RGS16: variants seen among roughly 807,000 people sequenced by gnomAD.
The protein encoded by RGS16 is hRGS-r.
A neutral mutation model predicts 18.1 loss-of-function variants in RGS16; 12 were observed. The ratio of observed to expected loss-of-function variants is 0.66; its 90% CI spans 0.42 to 1.07. The LOEUF (loss-of-function observed/expected upper bound fraction) is 1.07, where lower values mean the gene tolerates loss of function less well. Among genes scored for constraint, RGS16 ranks in the 50% least tolerant of loss-of-function variants. The pLI, the probability that RGS16 is intolerant of heterozygous loss-of-function variation, is 0.00. For missense variants in RGS16, 238 were observed against 249.2 expected, an observed-to-expected ratio of 0.95 and a Z score of 0.30; for synonymous variants, 88 against 102.0, an observed-to-expected ratio of 0.86 and a Z score of 0.83.
intron 3 of RGS16, 141 bp downstream of exon 3, chr1:182,602,279 G>A (rs1661878664): frequency 9.2e-7 from 1 of 1,088,390 alleles, no homozygotes; most frequent in Non-Finnish European, 1.4e-6. Context: ...TTGAATAGAG[G>A]CTGGCACACT....
intron 4 of RGS16, 142 bp downstream of exon 4, chr1:182,601,824 G>A (rs1661867091): frequency 1.0e-6 from 1 of 1,000,382 alleles, no homozygotes; most frequent in Non-Finnish European, 1.5e-6. Context: ...CTAGTCTCTG[G>A]TCACAGAAGC....
rs1661882250 is a variant in RGS16, at chr1:182,602,454, C to T, written c.186G>A (p.Trp62Ter). Residue 62 changes from tryptophan to a stop codon, truncating the protein, a stop_gained, in exon 3 of 5, where the codon TGG becomes TGA. Transcript: ENST00000367558. LOFTEE classifies it high-confidence loss of function. ...NRNFSEDVLG[W>*]RESFDLLLSS... is the part of the protein sequence containing the mutation. The stretch of plus-strand genomic sequence containing the variant: ...TCAGCAGCAGGTCGAACGACTCTCT[C>T]CACCCCAGCACATCTTCTGAGAAGT... 6.2e-7 allele frequency: 1 copy of T among 1,613,802 alleles called. No individual in the cohort carries two copies. The highest frequency in any genetic ancestry group is 1.3e-5 in the African/African-American group (1 of 74,922).
chr1:182,602,636 G>A, intron 2 of RGS16, 152 bp from the exon 3 acceptor site: 1 of 685,606 alleles, frequency 1.5e-6, no homozygotes, highest in Non-Finnish European at 2.5e-6. Context: ...CAAACTCTTA[G>A]TTGGACTTAG....
Position 182,600,097 on chromosome 1 carries a change from A to G in RGS16, c.*195T>C, listed in dbSNP as rs571948048. On this transcript the variant is annotated 3_prime_UTR_variant, in exon 5 of 5. Coordinates refer to ENST00000367558, the MANE Select transcript of RGS16 (RefSeq NM_002928.4). ...TGGAAGTGGGCGGCTCCTCTCCAGC[A>G]TGAGTCCCACAGTATCTGAAGGAGA... is the stretch of plus-strand genomic sequence containing the variant. 5.2e-5 allele frequency: 31 copies of G among 594,102 alleles called. No individual in the cohort carries two copies. In the East Asian group the frequency reaches 7.6e-4, roughly 15 times the overall value. 36.8% of individuals were successfully genotyped at this position (594,102 alleles called of 1,614,324 possible).
Position 182,600,156 on chromosome 1 carries a change from ATTTTTTTTTTTTT to A in RGS16, c.*123_*135del, listed in dbSNP as rs970909010. On this transcript the variant is annotated 3_prime_UTR_variant, in exon 5 of 5. Coordinates refer to ENST00000367558, the MANE Select transcript of RGS16 (RefSeq NM_002928.4). Reference sequence around the variant, plus strand: ...CTTCCCAAACAGGCTGCTGGAGCGCATTTTTTTTTTTTTTTTTTTTTTTTTTGTCCTCTTGCAC... The same window carrying A: ...CTTCCCAAACAGGCTGCTGGAGCGCATTTTTTTTTTTTTGTCCTCTTGCAC... The A allele has an allele frequency of 2.4e-5, 8 of 330,014 alleles. No homozygotes were observed. Among genetic ancestry groups the A allele is most frequent in the East Asian group, 6.7e-5 (1 of 14,970 alleles). The allele number at this position is 330,014 out of a possible 1,614,324, so 20.4% of individuals were successfully genotyped here. A position where few individuals can be genotyped will look rare whatever the true frequency, so the allele number is the denominator to read the frequency against.
chr1:182,602,456 A>C lies in RGS16; in HGVS notation c.184T>G (p.Trp62Gly), dbSNP rs191231364. 6.2e-5 allele frequency: 100 copies of C among 1,613,730 alleles called. No homozygotes were observed. In the East Asian group the frequency reaches 2.1e-3, roughly 34 times the overall value. Residue 62 changes from tryptophan (W) to glycine (G), a missense_variant, in exon 3 of 5, where the codon TGG becomes GGG. Coordinates refer to ENST00000367558, the MANE Select transcript of RGS16 (RefSeq NM_002928.4). ...NRNFSEDVLG[W>G]RESFDLLLSS... ...AGCAGCAGGTCGAACGACTCTCTCC[A>C]CCCCAGCACATCTTCTGAGAAGTTT...
intron 4 of RGS16, 79 bp from the exon 5 acceptor site, chr1:182,600,592 G>T: frequency 8.6e-7 from 1 of 1,160,690 alleles, no homozygotes; most frequent in Non-Finnish European, 1.3e-6. Flanking sequence ...GGCAGGCTGG[G>T]CATTGGAAAG....
chr1:182,600,195 T>A lies in RGS16; in HGVS notation c.*97A>T. On this transcript the variant is annotated 3_prime_UTR_variant, in exon 5 of 5. Transcript: ENST00000367558. ...TTTTTTTTTTTTTGTCCTCTTGCAC[T>A]TGCTTTGCAGAACCTGCCTCCCACA... The A allele has an allele frequency of 1.5e-6, 1 of 680,816 alleles. No individual in the cohort carries two copies. Among genetic ancestry groups the A allele is most frequent in the Non-Finnish European group, 2.5e-6 (1 of 401,842 alleles). 42.2% of individuals were successfully genotyped at this position (680,816 alleles called of 1,614,324 possible).
rs781289348 is a variant in RGS16, at chr1:182,600,334, G to A, written c.567C>T (p.Ala189=). ...CGTCCAGGCTGCAGCTGGACAGAGTGGCAGAGGCGGCTGAGGCTTGGGCAG... is the reference window on the plus strand; with the variant it reads ...CGTCCAGGCTGCAGCTGGACAGAGTAGCAGAGGCGGCTGAGGCTTGGGCAG... ...DLAAQASAAS[A]TLSSCSLDEP... Residue 189 remains alanine (A), a synonymous_variant, in exon 5 of 5, where the codon GCC becomes GCT. Transcript: ENST00000367558. 2 of 1,613,792 alleles carry A rather than the reference G, an allele frequency of 1.2e-6. No homozygotes were observed. Among genetic ancestry groups the A allele is most frequent in the African/African-American group, 2.7e-5 (2 of 74,858 alleles).
Position 182,604,213 on chromosome 1 carries a change from T to TAGGG in RGS16, c.44+2_44+3insCCCT. On this transcript the variant is annotated splice_region_variant and intron_variant, in intron 1 of 4. Coordinates refer to ENST00000367558, the MANE Select transcript of RGS16 (RefSeq NM_002928.4). ...CCCAAGCAGTTGGACAACCTCCCCTTACCTCTCCAGGCAGGTGGTGGGGAA... is the reference window on the plus strand; with the variant it reads ...CCCAAGCAGTTGGACAACCTCCCCTTAGGGACCTCTCCAGGCAGGTGGTGGGGAA... 6.4e-7 allele frequency: 1 copy of TAGGG among 1,551,712 alleles called. No individual in the cohort carries two copies. Among genetic ancestry groups the TAGGG allele is most frequent in the Non-Finnish European group, 8.7e-7 (1 of 1,146,940 alleles).
At position 182,600,233 on chromosome 1, in the gene RGS16, C is replaced by A. The variant is rs967905649; in HGVS notation, c.*59G>T. On this transcript the variant is annotated 3_prime_UTR_variant, in exon 5 of 5. Transcript: ENST00000367558. The stretch of plus-strand genomic sequence containing the variant: ...CCTGCCTCCCACACAGGGGCAGCCA[C>A]CTCGGGGATGGGTGACTCAACCTCT... The A allele has an allele frequency of 6.8e-7, 1 of 1,469,716 alleles. No homozygotes were observed. Among genetic ancestry groups the A allele is most frequent in the African/African-American group, 1.4e-5 (1 of 71,014 alleles). The allele number at this position is 1,469,716 out of a possible 1,614,324, so 91.0% of individuals were successfully genotyped here. A position where few individuals can be genotyped will look rare whatever the true frequency, so the allele number is the denominator to read the frequency against.
chr1:182,601,157 A>C (rs569581347), intron 4 of RGS16, among the ~76,000 whole-genome samples: 1 of 152,228 alleles, frequency 6.6e-6, no homozygotes, highest in African/African-American at 2.4e-5. Context: ...ATTCTTTCTT[A>C]TCTCTGTTCA....
At chr1:182,602,969 A>C (rs1005239279) in intron 2 of RGS16, among the ~76,000 whole-genome samples, 1 of 152,186 alleles carries the variant, frequency 6.6e-6, no homozygotes, top group Non-Finnish European at 1.5e-5. Context: ...ATGAATCCCG[A>C]GGTGGGAGAG....
chr1:182,602,993 C>T lies in RGS16; in HGVS notation c.155+236G>A, dbSNP rs1277753173. On this transcript the variant is annotated intron_variant, in intron 2 of 4. Transcript: ENST00000367558. ...GAGGTGGGAGAGTCTGGGAACTAGG[C>T]ATTCATGCCCTGTGTGCCCTCATCC... 2.6e-5 allele frequency among the ~76,000 whole-genome samples: 4 copies of T among 152,318 alleles called. No homozygotes were observed. The South Asian group carries it at 6.2e-4, about 24-fold the overall frequency.
chr1:182,600,346 T>C lies in RGS16; in HGVS notation c.555A>G (p.Ser185=). The C allele has an allele frequency of 6.2e-7, 1 of 1,613,892 alleles. No homozygotes were observed. Among genetic ancestry groups the C allele is most frequent in the Non-Finnish European group, 8.5e-7 (1 of 1,179,956 alleles). The change falls in exon 5 of 5, where the codon TCA becomes TCG. Residue 185 remains serine (S), a synonymous_variant. Coordinates refer to ENST00000367558, the MANE Select transcript of RGS16 (RefSeq NM_002928.4). Reference sequence around the variant, plus strand: ...AGCTGGACAGAGTGGCAGAGGCGGCTGAGGCTTGGGCAGCCAGGTCCCGGT... The same window carrying C: ...AGCTGGACAGAGTGGCAGAGGCGGCCGAGGCTTGGGCAGCCAGGTCCCGGT... ...PAYRDLAAQA[S]AASATLSSCS...
In RGS16 at chr1:182,602,412, C is replaced by T. The variant is rs762272858; in HGVS notation, c.220+8G>A. 8 of 1,612,996 alleles carry T rather than the reference C, an allele frequency of 5.0e-6. No individual in the cohort carries two copies. In the Admixed American group the frequency reaches 8.3e-5, roughly 17 times the overall value. On this transcript the variant is annotated splice_region_variant and intron_variant, in intron 3 of 4. Transcript: ENST00000367558. ...ACCCAGAGACAGACACAAAAGGCTC[C>T]TACTCACTTTTACTGCTCAGCAGCA...
At position 182,602,432 on chromosome 1, in the gene RGS16, G is replaced by A. The variant is rs767985327; in HGVS notation, c.208C>T (p.Leu70=). 3 of 1,613,634 alleles carry A rather than the reference G, an allele frequency of 1.9e-6. No homozygotes were observed. Among genetic ancestry groups the A allele is most frequent in the Non-Finnish European group, 2.5e-6 (3 of 1,179,798 alleles). The change falls in exon 3 of 5, where the codon CTG becomes TTG. Residue 70 remains leucine, a synonymous_variant. Coordinates refer to ENST00000367558, the MANE Select transcript of RGS16 (RefSeq NM_002928.4). ...GGCTCCTACTCACTTTTACTGCTCA[G>A]CAGCAGGTCGAACGACTCTCTCCAC... ...LGWRESFDLL[L]SSKNGVAAFH...
chr1:182,601,300 G>A (rs74128986), intron 4 of RGS16, among the ~76,000 whole-genome samples: 1,974 of 152,194 alleles, frequency 0.013, 55 homozygotes, highest in African/African-American at 0.045. Flanking sequence ...TATTTGTCTA[G>A]TTGGTTATTG....
intron 1 of RGS16, among the ~76,000 whole-genome samples, chr1:182,603,895 A>G (rs1309858743): frequency 6.6e-6 from 1 of 152,058 alleles, no homozygotes; most frequent in African/African-American, 2.4e-5. Context: ...TGAAAAACAA[A>G]TGCTTAAGAA....
Sources: gnomAD v4.1 joint callset for allele counts (sites outside exome capture counted in the v4.1 genomes callset) on GRCh38, gnomAD v4.1.1 for gene constraint, MANE v1.5 for transcripts, NCBI Gene and HGNC (gene_info 2026-07-23, HGNC 2026-07-21) for gene names.